RP1: variants seen among roughly 807,000 people sequenced by gnomAD.
RP1 encodes RP1 axonemal microtubule associated.
Under a neutral mutation model 14.8 loss-of-function variants are expected in RP1, and 16 were observed. The ratio of observed to expected loss-of-function variants is 1.08; its 90% confidence interval spans 0.73 to 1.65. The LOEUF (loss-of-function observed/expected upper bound fraction) is 1.65. Ranked by LOEUF, RP1 falls within the 40% of genes most tolerant of loss-of-function variation. The probability of loss-of-function intolerance (pLI) is 0.00; values close to 1 mark genes in which losing one functional copy is unlikely to be tolerated. For synonymous variants in RP1, 876 were observed against 883.6 expected, an observed-to-expected ratio of 0.99 and a Z score of 0.15; for missense variants, 2,631 against 2,535.0, an observed-to-expected ratio of 1.04 and a Z score of -0.81.
At chr8:54,738,915 AT>A (rs561687082) in intron 18 of RP1, 45 of 1,372,988 alleles carry the variant, frequency 3.3e-5, no homozygotes, top group Non-Finnish European at 3.6e-5. Flanking sequence ...AATTCTGATA[AT>A]TTTTTTCTCC....
chr8:54,847,603 G>A (rs139121206), intron 25 of RP1, among the ~76,000 whole-genome samples: 581 of 152,362 alleles, frequency 3.8e-3, no homozygotes, highest in African/African-American at 0.013. Flanking sequence ...ATAGGCAGCA[G>A]GCACTATAGC....
At chr8:54,856,251 T>TA (rs1812196243) in intron 26 of RP1, among the ~76,000 whole-genome samples, 1 of 151,816 alleles carries the variant, frequency 6.6e-6, no homozygotes, top group South Asian at 2.1e-4. Flanking sequence ...CAAAACAAAA[T>TA]AAAAGTGCTA....
downstream of RP1, among the ~76,000 whole-genome samples, chr8:54,770,831 G>A (rs1809882115): frequency 6.6e-6 from 1 of 151,530 alleles, no homozygotes; most frequent in African/African-American, 2.4e-5. Context: ...AAAGTCTTTT[G>A]TAGTTATCTT....
intron 24 of RP1, among the ~76,000 whole-genome samples, chr8:54,806,804 A>G (rs556972163): frequency 5.7e-4 from 87 of 152,312 alleles, no homozygotes; most frequent in African/African-American, 2.0e-3. Context: ...GTGAAGAGGA[A>G]CATTTAGTAC....
intron 24 of RP1, among the ~76,000 whole-genome samples, chr8:54,803,131 A>C (rs1810753977): frequency 6.6e-6 from 1 of 152,110 alleles, no homozygotes; most frequent in South Asian, 2.1e-4. Context: ...AAGACTACAA[A>C]ATATTATTTC....
intron 25 of RP1, among the ~76,000 whole-genome samples, chr8:54,846,395 T>A (rs990057618): frequency 6.6e-6 from 1 of 152,186 alleles, no homozygotes; most frequent in African/African-American, 2.4e-5. Context: ...TCTCCACAAC[T>A]GATTATAGTC....
intron 12 of RP1, among the ~76,000 whole-genome samples, chr8:54,698,221 G>A (rs1807918666): frequency 1.3e-5 from 2 of 152,092 alleles, no homozygotes; most frequent in South Asian, 4.1e-4. Context: ...TCAAAAAATG[G>A]GCAAAGGATA....
At position 54,624,663 on chromosome 8, in the gene RP1, T is replaced by C. The variant is rs1563329390; in HGVS notation, c.788-7T>C. On this transcript the variant is annotated splice_polypyrimidine_tract_variant and splice_region_variant and intron_variant, in intron 3 of 3. Transcript: ENST00000220676. ...GTGGGCACCTTTTACTCTTAAAATC[T>C]TTAAAGTAAGCACACATATGTCTTC... 8 of 1,613,688 alleles carry C rather than the reference T, an allele frequency of 5.0e-6. No individual in the cohort carries two copies. The highest frequency in any genetic ancestry group is 5.1e-6 in the Non-Finnish European group (6 of 1,179,866).
intron 1 of RP1, among the ~76,000 whole-genome samples, chr8:54,559,619 A>T (rs186471627): frequency 1.8e-4 from 28 of 152,330 alleles, no homozygotes; most frequent in Non-Finnish European, 1.8e-4. Context: ...TTGGACAGAT[A>T]TCCTCACGGC....
chr8:54,663,597 T>C (rs1306114706), intron 6 of RP1: 2 of 1,177,514 alleles, frequency 1.7e-6, no homozygotes, highest in African/African-American at 1.6e-5. Context: ...CCACTGGGGA[T>C]CTTGGAACTT....
intron 3 of RP1, among the ~76,000 whole-genome samples, chr8:54,638,679 T>C (rs1806399038): frequency 6.6e-6 from 1 of 152,136 alleles, no homozygotes; most frequent in Admixed American, 6.5e-5. Context: ...TTCACAATAA[T>C]ACACACTTGT....
At chr8:54,808,624 A>T (rs1021880404) in intron 24 of RP1, among the ~76,000 whole-genome samples, 4 of 152,176 alleles carry the variant, frequency 2.6e-5, no homozygotes, top group African/African-American at 9.7e-5. Flanking sequence ...CCTTCCTTTC[A>T]TTTTTCACTT....
At chr8:54,796,343 T>C (rs1810576329) in intron 24 of RP1, among the ~76,000 whole-genome samples, 1 of 152,168 alleles carries the variant, frequency 6.6e-6, no homozygotes. Context: ...GTATTGTGTT[T>C]GGGAAGCAAA....
chr8:54,788,217 G>A (rs1267894992), intron 24 of RP1, among the ~76,000 whole-genome samples: 1 of 152,244 alleles, frequency 6.6e-6, no homozygotes, highest in Non-Finnish European at 1.5e-5. Flanking sequence ...GGCTGGAGTA[G>A]GAGGAAGGAA....
At chr8:54,577,495 A>G (rs998229959) in intron 1 of RP1, among the ~76,000 whole-genome samples, 2 of 152,140 alleles carry the variant, frequency 1.3e-5, no homozygotes, top group East Asian at 1.9e-4. Flanking sequence ...TTTCATGTTT[A>G]CTTGTGTACT....
intron 8 of RP1, among the ~76,000 whole-genome samples, chr8:54,675,815 C>A (rs1807284229): frequency 6.6e-6 from 1 of 152,126 alleles, no homozygotes; most frequent in Non-Finnish European, 1.5e-5. Context: ...ATAATAGAAG[C>A]AAGACCTCAC....
intron 7 of RP1, among the ~76,000 whole-genome samples, chr8:54,670,127 T>A (rs1350669501): frequency 6.6e-6 from 1 of 152,168 alleles, no homozygotes; most frequent in Non-Finnish European, 1.5e-5. Flanking sequence ...TTTTCTAGTT[T>A]TGTTCCACCA....
chr8:54,844,916 T>C (rs1873964), intron 25 of RP1, among the ~76,000 whole-genome samples: 53,372 of 151,872 alleles, frequency 0.35, 9,501 homozygotes, highest in Non-Finnish European at 0.38. Context: ...TCTAAATGAA[T>C]TCTCTTAGGG....
intron 19 of RP1, among the ~76,000 whole-genome samples, chr8:54,745,027 C>T (rs1159249859): frequency 2.6e-5 from 4 of 152,048 alleles, no homozygotes; most frequent in East Asian, 1.9e-4. Flanking sequence ...CAATTGTACT[C>T]GTATTCAAAG....
Sources: gnomAD v4.1 joint callset for allele counts (sites outside exome capture counted in the v4.1 genomes callset) on GRCh38, gnomAD v4.1.1 for gene constraint, MANE v1.5 for transcripts, NCBI Gene and HGNC (gene_info 2026-07-23, HGNC 2026-07-21) for gene names.